The following SELENOV variants were observed in gnomAD, a reference collection of about 807,000 sequenced individuals.
The protein encoded by SELENOV is selenoprotein V.
A neutral mutation model predicts 21.6 loss-of-function variants in SELENOV; 25 were observed. That is an observed-to-expected ratio of 1.16 (90% CI 0.84 to 1.62). SELENOV has a LOEUF of 1.62. Ranked by LOEUF, SELENOV falls within the 40% of genes most tolerant of loss-of-function variation. The pLI is 0.00. For missense variants in SELENOV, 472 were observed against 459.0 expected, an observed-to-expected ratio of 1.03 and a Z score of -0.26; for synonymous variants, 227 against 216.9, an observed-to-expected ratio of 1.05 and a Z score of -0.41.
rs1210335759 is a variant in SELENOV at position 39,515,219 on chromosome 19, A to T, written c.7A>T (p.Asn3Tyr). The T allele has an allele frequency of 1.9e-6, 3 of 1,546,962 alleles. No homozygotes were observed. The East Asian group carries it at 7.3e-5, about 38-fold the overall frequency. The change falls in exon 1 of 6, where the codon AAC becomes TAC. Residue 3 changes from asparagine to tyrosine, a missense_variant. Physicochemically the swap from Asn to Tyr is moderately radical, Grantham distance 143. Transcript: ENST00000335426. This position sits in a 1 kb window ranked among gnomAD's most constrained non-coding sequence, Gnocchi z 5.1. Reference sequence around the variant, plus strand: ...CCCGGTCCCCCTGGGCCCCATGAATAACCAGGCGCGGACCCCAGCCCCCTC... The same window carrying T: ...CCCGGTCCCCCTGGGCCCCATGAATTACCAGGCGCGGACCCCAGCCCCCTC...
rs769945420 is a variant in SELENOV, at chr19:39,515,921, A to G, written c.709A>G (p.Ile237Val). The G allele has an allele frequency of 1.9e-6, 3 of 1,602,928 alleles. No individual in the cohort carries two copies. The South Asian group carries it at 3.4e-5, about 18-fold the overall frequency. Residue 237 changes from isoleucine (I) to valine (V), a missense_variant, in exon 1 of 6, where the codon ATC (isoleucine) becomes GTC (valine). By Grantham distance (29) the Ile-to-Val change is conservative. Transcript: ENST00000335426. The surrounding 1 kb of genome is among the most constrained non-coding windows in gnomAD (Gnocchi z 5.1). ...TGTCCCCTCGCCCATCCTGGGGACC[A>G]TCCCGTCGGCCATCTCCTTACAGAA...
Position 39,515,288 on chromosome 19 carries a change from C to T in SELENOV, c.76C>T (p.Arg26Trp). The T allele has an allele frequency of 1.3e-6, 2 of 1,551,178 alleles. No individual in the cohort carries two copies. Among genetic ancestry groups the T allele is most frequent in the Non-Finnish European group, 1.7e-6 (2 of 1,146,910 alleles). The change falls in exon 1 of 6, where the codon CGG (arginine) becomes TGG (tryptophan). Residue 26 changes from arginine to tryptophan, a missense_variant. Transcript: ENST00000335426. This position sits in a 1 kb window ranked among gnomAD's most constrained non-coding sequence, Gnocchi z 5.1. ...CTCAGTCCGGGCTTCTACCCCGACC[C>T]GGACACCGACTCCACTCCGGACCCC... is the stretch of plus-strand genomic sequence containing the variant.
At chr19:39,519,964 C>CAAAAA (rs5828040) in intron 5 of SELENOV, among the ~76,000 whole-genome samples, 182 bp from the exon 6 acceptor site, 12 of 76,924 alleles carry the variant, frequency 1.6e-4, no homozygotes, top group East Asian at 3.7e-4. Flanking sequence ...GACTCTGTCT[C>CAAAAA]AAAAAAAAAA....
intron 1 of SELENOV, 24 bp downstream of exon 1, chr19:39,516,045 C>T: frequency 1.3e-6 from 2 of 1,556,210 alleles, no homozygotes; most frequent in Non-Finnish European, 1.7e-6. Flanking sequence ...ACATGCCTCT[C>T]CCAACCCCCG....
At chr19:39,517,082 CT>C (rs2079700961) in intron 1 of SELENOV, among the ~76,000 whole-genome samples, 1 of 151,842 alleles carries the variant, frequency 6.6e-6, no homozygotes, top group Non-Finnish European at 1.5e-5. Context: ...TGTTCTTGAA[CT>C]CCTACATTCA....
rs768274360 is a variant in SELENOV at position 39,515,182 on chromosome 19, C to G, written c.-31C>G. On this transcript the variant is annotated 5_prime_UTR_variant, in exon 1 of 6. Transcript: ENST00000335426. This position sits in a 1 kb window ranked among gnomAD's most constrained non-coding sequence, Gnocchi z 5.1. Reference sequence around the variant, plus strand: ...AAGAGGGAAGGCGGGCGGGACTCCCCAACCGGCTTGCCCCGGTCCCCCTGG... The same window carrying G: ...AAGAGGGAAGGCGGGCGGGACTCCCGAACCGGCTTGCCCCGGTCCCCCTGG... The G allele has an allele frequency of 6.4e-6, 9 of 1,407,466 alleles. No homozygotes were observed. Among genetic ancestry groups the G allele is most frequent in the Non-Finnish European group, 8.8e-6 (9 of 1,024,442 alleles). 87.2% of individuals were successfully genotyped at this position (1,407,466 alleles called of 1,614,324 possible).
Position 39,517,991 on chromosome 19 carries a change from A to AAAAAAAAAAAAAG in SELENOV, c.810-617_810-616insAAAAAAAAAAAAG, listed in dbSNP as rs374863818. Among the ~76,000 whole-genome samples, 452 of 92,030 alleles carry AAAAAAAAAAAAAG rather than the reference A, an allele frequency of 4.9e-3. 61 individuals are homozygous for AAAAAAAAAAAAAG. Among genetic ancestry groups the AAAAAAAAAAAAAG allele is most frequent in the African/African-American group, 8.0e-3 (201 of 25,158 alleles). 60.4% of individuals were successfully genotyped at this position (92,030 alleles called of 152,430 possible). A position where few individuals can be genotyped will look rare whatever the true frequency, so the allele number is the denominator to read the frequency against. ...AAAAAAAAAAAAAAAAAAAAAAAAA[A>AAAAAAAAAAAAAG]GCCCAGCGCGGTGGCTCACGCCTGT... On this transcript the variant is annotated intron_variant, in intron 1 of 5. Coordinates refer to ENST00000335426, the Ensembl canonical transcript of SELENOV.
chr19:39,520,349 G>T (rs1329256032), exon 6 of SELENOV: 1 of 152,214 alleles, frequency 6.6e-6, no homozygotes, highest in Non-Finnish European at 1.5e-5. Context: ...TGGCCCCAGG[G>T]GTGGGAGGGA....
In SELENOV at chr19:39,515,472, CT is replaced by C. The variant is rs957175437; in HGVS notation, c.261del (p.Pro88LeufsTer29). 109 of 1,551,316 alleles carry C rather than the reference CT, an allele frequency of 7.0e-5. No homozygotes were observed. Among genetic ancestry groups the C allele is most frequent in the Non-Finnish European group, 8.4e-5 (96 of 1,146,954 alleles). On this transcript the variant is annotated frameshift_variant, in exon 1 of 6. Transcript: ENST00000335426. LOFTEE classifies it high-confidence loss of function. The surrounding 1 kb of genome is among the most constrained non-coding windows in gnomAD (Gnocchi z 5.1). ...GCCCGGATCCCCCGTCTGGTTCCGCCTCCTGCTCCGGCCTGGATCCCTACTC... is the reference window on the plus strand; with the variant it reads ...GCCCGGATCCCCCGTCTGGTTCCGCCCCTGCTCCGGCCTGGATCCCTACTC...
chr19:39,516,901 G>A (rs1031444222), intron 1 of SELENOV, among the ~76,000 whole-genome samples: 1 of 151,712 alleles, frequency 6.6e-6, no homozygotes, highest in Non-Finnish European at 1.5e-5. Context: ...GTTTCACCAT[G>A]TTGGCCAGGC....
At chr19:39,516,487 A>G (rs1568454857) in intron 1 of SELENOV, among the ~76,000 whole-genome samples, 1 of 146,312 alleles carries the variant, frequency 6.8e-6, no homozygotes, top group African/African-American at 2.5e-5. Flanking sequence ...GGTCTCTCCC[A>G]CTCTCTGTCT....
chr19:39,515,512 C>G lies in SELENOV; in HGVS notation c.300C>G (p.Pro100=), dbSNP rs1163848456. The G allele has an allele frequency of 6.4e-7, 1 of 1,550,930 alleles. No individual in the cohort carries two copies. Among genetic ancestry groups the G allele is most frequent in the East Asian group, 2.4e-5 (1 of 40,894 alleles). ...GGATCCCTACTCCGGTGCCGACTCC[C>G]GTTCCCGTCCGGAACCCAACTCCGG... Residue 100 remains proline (P), a synonymous_variant, in exon 1 of 6, where the codon CCC becomes CCG. Transcript: ENST00000335426. The surrounding 1 kb of genome is among the most constrained non-coding windows in gnomAD (Gnocchi z 5.1).
chr19:39,518,099 G>C (rs1017943186), intron 1 of SELENOV, among the ~76,000 whole-genome samples: 10 of 150,368 alleles, frequency 6.7e-5, no homozygotes, highest in Non-Finnish European at 1.2e-4. Flanking sequence ...GGTGAAACCC[G>C]GTCTCTACTA....
intron 5 of SELENOV, among the ~76,000 whole-genome samples, 189 bp from the exon 6 acceptor site, chr19:39,519,955 ACT>A (rs1409932179): frequency 8.3e-6 from 1 of 120,032 alleles, no homozygotes; most frequent in African/African-American, 3.3e-5. Context: ...ACAGAGCGAG[ACT>A]CTGTCTCAAA....
chr19:39,519,088 G>A (rs2079715359), exon 5 of SELENOV: 2 of 1,613,750 alleles, frequency 1.2e-6, no homozygotes, highest in Admixed American at 1.7e-5. Flanking sequence ...ATGGCTTTGT[G>A]AACGAGTCCA....
intron 1 of SELENOV, 86 bp from the exon 2 acceptor site, chr19:39,518,522 T>C (rs1282122779): frequency 5.3e-6 from 7 of 1,325,760 alleles, no homozygotes; most frequent in South Asian, 2.5e-5. Flanking sequence ...CAGGTGTTCA[T>C]AGGGTGCCCT....
intron 1 of SELENOV, among the ~76,000 whole-genome samples, chr19:39,516,823 A>G (rs1461227475): frequency 6.6e-6 from 1 of 151,216 alleles, no homozygotes; most frequent in Non-Finnish European, 1.5e-5. Flanking sequence ...AGCCTCCCGA[A>G]CAGCTGGAAC....
chr19:39,518,533 G>A, intron 1 of SELENOV, 75 bp from the exon 2 acceptor site: 1 of 1,461,636 alleles, frequency 6.8e-7, no homozygotes. Flanking sequence ...AGGGTGCCCT[G>A]AGCTGGGGAA....
exon 6 of SELENOV, chr19:39,520,334 T>C (rs1481923725): frequency 2.0e-5 from 3 of 151,698 alleles, no homozygotes; most frequent in African/African-American, 7.3e-5. Flanking sequence ...AGTCACCTGA[T>C]ATTCTGGCCC....
Sources: gnomAD v4.1 joint callset for allele counts (sites outside exome capture counted in the v4.1 genomes callset) on GRCh38, gnomAD v4.1.1 for gene constraint, Gnocchi (gnomAD v3.1) non-coding constraint, MANE v1.5 for transcripts, NCBI Gene and HGNC (gene_info 2026-07-23, HGNC 2026-07-21) for gene names.